Variants in VWF observed in about 807,000 individuals in gnomAD.
VWF encodes the protein von Willebrand factor, also known as Factor VIII related antigen.
In VWF, 176 loss-of-function variants were observed where a neutral mutation model predicts 308.6. The observed-to-expected ratio is 0.57, with a 90% CI of 0.50 to 0.65. The LOEUF (loss-of-function observed/expected upper bound fraction) is 0.65, where lower values mean the gene tolerates loss of function less well. Among genes scored for constraint, VWF ranks in the 30% least tolerant of loss-of-function variants. The pLI, the probability that VWF is intolerant of heterozygous loss-of-function variation, is 0.00. For missense variants in VWF, 3,146 were observed against 3,648.2 expected (o/e 0.86, Z 3.55); for synonymous variants, 1,385 against 1,443.4 (o/e 0.96, Z 0.92).
At chr12:6,116,644 G>A (rs755715954) in intron 3 of VWF, among the ~76,000 whole-genome samples, 20 of 152,266 alleles carry the variant, frequency 1.3e-4, no homozygotes, top group Non-Finnish European at 2.6e-4. Flanking sequence ...CGGAGGAGCA[G>A]GAACCAGGAC....
chr12:5,981,500 T>C (rs1943604836), intron 42 of VWF, among the ~76,000 whole-genome samples: 1 of 152,216 alleles, frequency 6.6e-6, no homozygotes, highest in African/African-American at 2.4e-5. Flanking sequence ...CTAGCCATGC[T>C]TAGTACATAG....
At chr12:6,064,826 G>A (rs929448947) in intron 11 of VWF, among the ~76,000 whole-genome samples, 1 of 152,168 alleles carries the variant, frequency 6.6e-6, no homozygotes, top group Admixed American at 6.5e-5. Flanking sequence ...GCCATCCCCA[G>A]CTCCAAACAT....
At chr12:5,985,495 G>T in intron 39 of VWF, 68 bp downstream of exon 39, 3 of 1,507,900 alleles carry the variant, frequency 2.0e-6, no homozygotes, top group Non-Finnish European at 2.7e-6. Flanking sequence ...GGTGAAGATG[G>T]GTGGCTGGGG....
intron 43 of VWF, among the ~76,000 whole-genome samples, chr12:5,972,593 C>A (rs573809685): frequency 2.0e-5 from 3 of 152,178 alleles, no homozygotes; most frequent in African/African-American, 7.2e-5. Flanking sequence ...ATGCACAACA[C>A]GTGTGCCTCT....
chr12:5,975,735 C>T (rs1181592282), intron 43 of VWF, among the ~76,000 whole-genome samples: 1 of 152,196 alleles, frequency 6.6e-6, no homozygotes, highest in Non-Finnish European at 1.5e-5. Flanking sequence ...CATGTCTCTG[C>T]TCAAACCTAC....
intron 49 of VWF, 36 bp downstream of exon 49, chr12:5,952,355 T>G (rs1233339525): frequency 3.1e-6 from 5 of 1,612,882 alleles, no homozygotes; most frequent in Non-Finnish European, 4.2e-6. Context: ...TCTTAGAGAT[T>G]GAGACAGTAA....
At chr12:6,082,798 G>A (rs1170567482) in intron 6 of VWF, among the ~76,000 whole-genome samples, 3 of 152,220 alleles carry the variant, frequency 2.0e-5, no homozygotes, top group Admixed American at 1.3e-4. Context: ...CTTTGCTCAA[G>A]TAAACCCTGT....
chr12:5,968,783 G>A (rs905197141), intron 45 of VWF, among the ~76,000 whole-genome samples: 11 of 152,304 alleles, frequency 7.2e-5, no homozygotes, highest in Middle Eastern at 3.4e-3. Context: ...CAGAGATAGC[G>A]CCAGTCACTC....
At chr12:6,056,155 G>T (rs1161124051) in intron 15 of VWF, among the ~76,000 whole-genome samples, 1 of 146,962 alleles carries the variant, frequency 6.8e-6, no homozygotes, top group Admixed American at 6.9e-5. Flanking sequence ...TAGTAGGATA[G>T]GTATCTAGTA....
rs1477694507 is a variant in VWF, at chr12:6,052,535, G to A, written c.2186+8C>T. The stretch of plus-strand genomic sequence containing the variant: ...TTAGAGGTCCCTGACACTGCTGCCT[G>A]CACTTACCACATGGTGTGATGGTCT... On this transcript the variant is annotated splice_region_variant and intron_variant, in intron 16 of 51. Transcript: ENST00000261405. 1.2e-6 allele frequency: 2 copies of A among 1,614,212 alleles called. No homozygotes were observed. Among genetic ancestry groups the A allele is most frequent in the Admixed American group, 1.7e-5 (1 of 60,034 alleles).
chr12:6,034,905 G>A, intron 19 of VWF, 79 bp from the exon 20 acceptor site: 1 of 1,573,426 alleles, frequency 6.4e-7, no homozygotes, highest in Non-Finnish European at 8.7e-7. Flanking sequence ...AGGCAATGAA[G>A]GAACACAGAA....
chr12:6,100,324 G>T (rs1483479263), intron 5 of VWF, among the ~76,000 whole-genome samples: 2 of 148,206 alleles, frequency 1.3e-5, no homozygotes, highest in Non-Finnish European at 3.0e-5. Context: ...CATTGTGGAA[G>T]TCAGTGTGGT....
chr12:5,998,682 T>G (rs913773464), intron 34 of VWF, among the ~76,000 whole-genome samples: 3 of 151,542 alleles, frequency 2.0e-5, no homozygotes, highest in African/African-American at 7.3e-5. Flanking sequence ...GCTTTCAGCA[T>G]AAGTAGAAAA....
rs142452106 is a variant in VWF at position 5,976,171 on chromosome 12, G to A, written c.7377C>T (p.Ala2459=). Residue 2459 remains alanine (A), a synonymous_variant, in exon 43 of 52, where the codon GCC becomes GCT. Coordinates refer to ENST00000261405, the MANE Select transcript of VWF (RefSeq NM_000552.5). ...ACTGGGCCACGCGGAGGCCCATCAC[G>A]GCATCCTCCATGTCGGTGCAGGTGC... ...DVCTCTDMED[A]VMGLRVAQCS... 3.1e-4 allele frequency: 503 copies of A among 1,614,056 alleles called. 2 individuals are homozygous for A. The highest frequency in any genetic ancestry group is 3.1e-3 in the African/African-American group (231 of 75,022).
rs1565819103 is a variant in VWF, at chr12:5,983,991, GATAGATAGATAGATA to G, written c.6977-752_6977-738del. 3.4e-4 allele frequency among the ~76,000 whole-genome samples: 45 copies of G among 132,358 alleles called. No individual in the cohort carries two copies. The South Asian group carries it at 4.6e-3, about 13-fold the overall frequency. 86.8% of individuals were successfully genotyped at this position (132,358 alleles called of 152,430 possible). ...GGATAGATGGATAGATAGATAGATA[GATAGATAGATAGATA>G]GATAGATAGATAGACAGACAGACAG... On this transcript the variant is annotated intron_variant, in intron 40 of 51. Coordinates refer to ENST00000261405, the MANE Select transcript of VWF (RefSeq NM_000552.5).
At chr12:6,014,740 A>G (rs191534588) in intron 31 of VWF, among the ~76,000 whole-genome samples, 9 of 152,308 alleles carry the variant, frequency 5.9e-5, no homozygotes, top group Non-Finnish European at 1.2e-4. Flanking sequence ...AGATGTATAA[A>G]TGTATTTAGA....
rs762799910 is a variant in VWF at position 5,994,221 on chromosome 12, C to CA, written c.6257-19dup. ...ACAGATCCCTAGAGAAACAAACAAACAAAAAAAAGATAAACTGAGTGGCCC... is the reference window on the plus strand; with the variant it reads ...ACAGATCCCTAGAGAAACAAACAAACAAAAAAAAAGATAAACTGAGTGGCCC... On this transcript the variant is annotated intron_variant, in intron 36 of 51. Coordinates refer to ENST00000261405, the MANE Select transcript of VWF (RefSeq NM_000552.5). The CA allele has an allele frequency of 1.1e-4, 180 of 1,612,912 alleles. No individual in the cohort carries two copies. The highest frequency in any genetic ancestry group is 5.0e-4 in the Middle Eastern group (3 of 6,058).
At chr12:6,052,515 G>C (rs373915456) in intron 16 of VWF, 28 bp downstream of exon 16, 7 of 1,614,124 alleles carry the variant, frequency 4.3e-6, no homozygotes, top group Non-Finnish European at 5.9e-6. Context: ...CTGTTTTAGA[G>C]GTCCCTGACA....
At chr12:5,980,908 G>A (rs987270061) in intron 42 of VWF, among the ~76,000 whole-genome samples, 4 of 152,038 alleles carry the variant, frequency 2.6e-5, no homozygotes, top group Non-Finnish European at 4.4e-5. Context: ...CGCCACTTTC[G>A]CGCCCTTCAC....
Sources: gnomAD v4.1 joint callset for allele counts (sites outside exome capture counted in the v4.1 genomes callset) on GRCh38, gnomAD v4.1.1 for gene constraint, MANE v1.5 for transcripts, NCBI Gene and HGNC (gene_info 2026-07-23, HGNC 2026-07-21) for gene names.